Variants in ETF1 observed in about 807,000 individuals in gnomAD.
The protein encoded by ETF1 is eukaryotic translation termination factor 1.
ETF1 carries 4 observed loss-of-function variants against 55.1 expected under a neutral mutation model. That is an observed-to-expected ratio of 0.07 (90% CI 0.04 to 0.17). The LOEUF is 0.17. Among genes scored for constraint, ETF1 ranks in the 10% least tolerant of loss-of-function variants. The probability of loss-of-function intolerance (pLI) is 1.00; values close to 1 mark genes in which losing one functional copy is unlikely to be tolerated. For missense variants in ETF1, 142 were observed against 523.6 expected (o/e 0.27, Z 7.11); for synonymous variants, 157 against 182.3 (o/e 0.86, Z 1.12).
intron 1 of ETF1, 40 bp from the exon 2 acceptor site, chr5:138,542,976 A>G: frequency 1.3e-6 from 2 of 1,585,594 alleles, no homozygotes; most frequent in Non-Finnish European, 1.7e-6. Context: ...CCAAGACCAC[A>G]GAGTTAGCGC....
chr5:138,535,131 A>C (rs1316862206), intron 2 of ETF1, among the ~76,000 whole-genome samples: 1 of 151,242 alleles, frequency 6.6e-6, no homozygotes, highest in Non-Finnish European at 1.5e-5. Context: ...TTTTATTTTT[A>C]GTAGAGACAG....
chr5:138,508,717 T>G lies in ETF1; in HGVS notation c.1183A>C (p.Lys395Gln). The G allele has an allele frequency of 6.2e-7, 1 of 1,613,338 alleles. No homozygotes were observed. The highest frequency in any genetic ancestry group is 8.5e-7 in the Non-Finnish European group (1 of 1,180,034). The change falls in exon 10 of 11, where the codon AAA (lysine) becomes CAA (glutamine). Residue 395 changes from lysine (K) to glutamine (Q), a missense_variant. Coordinates refer to ENST00000360541, the MANE Select transcript of ETF1 (RefSeq NM_004730.4). Reference protein sequence around the residue: ...FGATLEIVTDKSQEGSQFVKG... With the variant: ...FGATLEIVTDQSQEGSQFVKG... The stretch of plus-strand genomic sequence containing the variant: ...ACAAACTGAGACCCTTCTTGTGATT[T>G]ATCTGTGACAATTTCCAACGTAGCT...
At chr5:138,518,952 G>C (rs777561947) in intron 2 of ETF1, 85 bp from the exon 3 acceptor site, 1 of 1,566,726 alleles carries the variant, frequency 6.4e-7, no homozygotes. Context: ...AAGCTACAGG[G>C]AGATGCCCCA....
Position 138,513,611 on chromosome 5 carries a change from T to C in ETF1, c.498A>G (p.Arg166=), listed in dbSNP as rs534818676. ...CCACAGTGAATTTGTGCAGGACTTC[T>C]CTTGTGTTTCCTTGGAGTGTGCCAA... ...ALFGTLQGNT[R]EVLHKFTVDL... is the part of the protein sequence containing the mutation. The change falls in exon 5 of 11, where the codon AGA becomes AGG. Residue 166 remains arginine, a synonymous_variant. Transcript: ENST00000360541. 4.3e-5 allele frequency: 70 copies of C among 1,611,172 alleles called. No individual in the cohort carries two copies. Among genetic ancestry groups the C allele is most frequent in the Admixed American group, 8.3e-5 (5 of 59,972 alleles).
chr5:138,524,577 C>T lies in ETF1; in HGVS notation c.87-5710G>A, dbSNP rs543988199. Among the ~76,000 whole-genome samples the T allele has an allele frequency of 8.0e-4, 118 of 147,860 alleles. 2 individuals are homozygous for T. The highest frequency in any genetic ancestry group is 1.6e-3 in the Non-Finnish European group (105 of 67,022). ...CTTAAAAAAAAAAAAAATTTCTTTC[C>T]GTTTTTTGTTTTTTTTTTTGAGACA... On this transcript the variant is annotated intron_variant, in intron 2 of 10. Coordinates refer to ENST00000360541, the MANE Select transcript of ETF1 (RefSeq NM_004730.4).
At chr5:138,539,950 G>A (rs532362291) in intron 2 of ETF1, among the ~76,000 whole-genome samples, 1 of 152,246 alleles carries the variant, frequency 6.6e-6, no homozygotes, top group African/African-American at 2.4e-5. Context: ...ATACTTGTGA[G>A]GATTAAATGA....
At chr5:138,530,283 T>C (rs1765644129) in intron 2 of ETF1, among the ~76,000 whole-genome samples, 1 of 150,522 alleles carries the variant, frequency 6.6e-6, no homozygotes, top group African/African-American at 2.4e-5. Context: ...ATATGAAAGA[T>C]TTTTTTTTTC....
chr5:138,512,651 A>T (rs1764866697), intron 6 of ETF1, 113 bp downstream of exon 6: 1 of 918,758 alleles, frequency 1.1e-6, no homozygotes, highest in Non-Finnish European at 1.6e-6. Context: ...ACTCAGAGGC[A>T]AGTTTTTAAC....
chr5:138,533,221 A>G (rs1765775841), intron 2 of ETF1, among the ~76,000 whole-genome samples: 1 of 151,142 alleles, frequency 6.6e-6, no homozygotes, highest in Non-Finnish European at 1.5e-5. Context: ...GGCGTGAGCC[A>G]CCGGGCCCAG....
chr5:138,542,606 T>A (rs1464995889), intron 2 of ETF1: 1 of 1,411,780 alleles, frequency 7.1e-7, no homozygotes, highest in Admixed American at 3.0e-5. Flanking sequence ...GGCCGAGTGA[T>A]CTAAACCGGG....
At chr5:138,511,667 C>T in intron 6 of ETF1, 63 bp from the exon 7 acceptor site, 2 of 1,504,030 alleles carry the variant, frequency 1.3e-6, no homozygotes, top group Non-Finnish European at 8.9e-7. Flanking sequence ...TATTAAAACA[C>T]CTTTACTCAA....
intron 2 of ETF1, among the ~76,000 whole-genome samples, chr5:138,534,965 CTTTT>C (rs70982719): frequency 1.6e-5 from 2 of 126,332 alleles, no homozygotes; most frequent in African/African-American, 3.1e-5. Flanking sequence ...AAACTAGTTT[CTTTT>C]TTTTTTTTTT....
chr5:138,536,855 C>A (rs1374152046), intron 2 of ETF1, among the ~76,000 whole-genome samples: 1 of 152,122 alleles, frequency 6.6e-6, no homozygotes, highest in Non-Finnish European at 1.5e-5. Context: ...AGAAAACGAG[C>A]CCTGTGAAGA....
At chr5:138,528,720 G>T (rs545443551) in intron 2 of ETF1, among the ~76,000 whole-genome samples, 8 of 152,212 alleles carry the variant, frequency 5.3e-5, no homozygotes, top group African/African-American at 1.9e-4. Flanking sequence ...GAAACATTAA[G>T]TTTCTGAATT....
chr5:138,540,958 T>G (rs1766147774), intron 2 of ETF1, among the ~76,000 whole-genome samples: 1 of 152,212 alleles, frequency 6.6e-6, no homozygotes, highest in Admixed American at 6.5e-5. Context: ...TCAATGTTAC[T>G]TCATTCAAAC....
At chr5:138,511,951 A>T in intron 6 of ETF1, 12 of 929,574 alleles carry the variant, frequency 1.3e-5, no homozygotes, top group Non-Finnish European at 1.5e-5. Context: ...TAATCCCAGC[A>T]CTTTGGGAAG....
chr5:138,513,298 C>G lies in ETF1; in HGVS notation c.541+270G>C, dbSNP rs1024441213. The G allele has an allele frequency of 6.4e-6, 5 of 786,956 alleles. No homozygotes were observed. The African/African-American group carries it at 7.5e-5, about 12-fold the overall frequency. The allele number at this position is 786,956 out of a possible 1,614,324, so 48.7% of individuals were successfully genotyped here. A position where few individuals can be genotyped will look rare whatever the true frequency, so the allele number is the denominator to read the frequency against. ...CCAGACTGGAGTGCAGTGGCGCAATCTTGGCTCAATGCAACCTCCGTCTCC... is the reference window on the plus strand; with the variant it reads ...CCAGACTGGAGTGCAGTGGCGCAATGTTGGCTCAATGCAACCTCCGTCTCC... On this transcript the variant is annotated intron_variant, in intron 5 of 10. Coordinates refer to ENST00000360541, the MANE Select transcript of ETF1 (RefSeq NM_004730.4).
Position 138,507,383 on chromosome 5 carries a change from C to T in ETF1, c.*922G>A, listed in dbSNP as rs1418301380. 1 of 152,658 alleles carries T rather than the reference C, an allele frequency of 6.6e-6. No individual in the cohort carries two copies. The highest frequency in any genetic ancestry group is 1.5e-5 in the Non-Finnish European group (1 of 68,046). 9.5% of individuals were successfully genotyped at this position (152,658 alleles called of 1,614,324 possible). ...ATCCAACACAAGGAAAACACATCCA[C>T]CTCCCTTTTAACAAGGATTGACCCA... is the stretch of plus-strand genomic sequence containing the variant. On this transcript the variant is annotated 3_prime_UTR_variant, in exon 11 of 11. Transcript: ENST00000360541.
At chr5:138,522,599 A>G (rs1296157744) in intron 2 of ETF1, among the ~76,000 whole-genome samples, 1 of 152,098 alleles carries the variant, frequency 6.6e-6, no homozygotes, top group Non-Finnish European at 1.5e-5. Context: ...AAAACAAAAC[A>G]AACGAAAAAA....
Sources: allele counts gnomAD v4.1 joint callset (sites outside exome capture counted in the v4.1 genomes callset), GRCh38; gene constraint gnomAD v4.1.1; transcripts MANE v1.5; gene names NCBI Gene and HGNC (gene_info 2026-07-23, HGNC 2026-07-21).